SEMA3A: variants seen among roughly 807,000 people sequenced by gnomAD.
The protein encoded by SEMA3A is semaphorin 3A, also known as semaphorin-3A.
Under a neutral mutation model 97.9 loss-of-function variants are expected in SEMA3A, and 29 were observed. The ratio of observed to expected loss-of-function variants is 0.30; its 90% CI spans 0.22 to 0.40. The LOEUF (loss-of-function observed/expected upper bound fraction) is 0.40. Among genes scored for constraint, SEMA3A ranks in the 10% least tolerant of loss-of-function variants. The pLI, the probability that SEMA3A is intolerant of heterozygous loss-of-function variation, is 1.00. For synonymous variants in SEMA3A, 321 were observed against 323.7 expected (o/e 0.99, Z 0.09); for missense variants, 763 against 951.3 (o/e 0.80, Z 2.60).
chr7:84,310,029 A>G (rs887003815), intron 2 of SEMA3A, among the ~76,000 whole-genome samples: 1 of 152,196 alleles, frequency 6.6e-6, no homozygotes, highest in African/African-American at 2.4e-5. Context: ...GCATTGATCA[A>G]ATCAAAATAT....
chr7:84,189,202 T>G (rs1429301943), intron 1 of SEMA3A, among the ~76,000 whole-genome samples: 4 of 151,910 alleles, frequency 2.6e-5, no homozygotes, highest in Admixed American at 2.6e-4. Context: ...ATTTCAATAC[T>G]GTCATGAGTT....
At chr7:83,991,296 T>C (rs1240341952) in intron 12 of SEMA3A, among the ~76,000 whole-genome samples, 46 of 152,230 alleles carry the variant, frequency 3.0e-4, no homozygotes, top group Admixed American at 2.2e-3. Flanking sequence ...CTTTTCTTAA[T>C]TGAATACCCT....
At position 84,002,272 on chromosome 7, in the gene SEMA3A, T is replaced by C. The variant is rs3735516; in HGVS notation, c.1361-226A>G. The stretch of plus-strand genomic sequence containing the variant: ...AACACAATCTTGGAATAATAAAAGA[T>C]TGAATTTTTAGAAATATGTTTAGCC... On this transcript the variant is annotated intron_variant, in intron 11 of 16. Coordinates refer to ENST00000265362, the MANE Select transcript of SEMA3A (RefSeq NM_006080.3). Among the ~76,000 whole-genome samples the C allele has an allele frequency of 0.082, 12,519 of 152,236 alleles. 676 individuals carry two copies. The highest frequency in any genetic ancestry group is 0.19 in the East Asian group (979 of 5,182).
chr7:84,171,600 A>G (rs1407122524), intron 1 of SEMA3A, among the ~76,000 whole-genome samples: 1 of 152,160 alleles, frequency 6.6e-6, no homozygotes, highest in Admixed American at 6.5e-5. Flanking sequence ...AGGCATTGGT[A>G]TGAATTCAAA....
At chr7:84,214,892 G>T (rs897946100) in intron 3 of SEMA3A, among the ~76,000 whole-genome samples, 4 of 150,930 alleles carry the variant, frequency 2.7e-5, no homozygotes, top group African/African-American at 9.7e-5. Context: ...ATAGAGATGG[G>T]GTTTCACCAT....
Position 84,245,522 on chromosome 7 carries a change from C to G in SEMA3A, c.-82-50854G>C, listed in dbSNP as rs181820787. ...TTTTTCAAGTTTCTTAGCTTCCTTG[C>G]ATTGGGTTAGAACATGCTTCTTTAG... On this transcript the variant is annotated intron_variant, in intron 3 of 3. Coordinates refer to the SEMA3A transcript ENST00000424555. Among the ~76,000 whole-genome samples the G allele has an allele frequency of 7.4e-3, 1,125 of 151,820 alleles. 21 individuals carry two copies. The highest frequency in any genetic ancestry group is 0.043 in the South Asian group (207 of 4,800).
chr7:84,445,170 T>C (rs1805377583), intron 1 of SEMA3A, among the ~76,000 whole-genome samples: 1 of 152,062 alleles, frequency 6.6e-6, no homozygotes, highest in South Asian at 2.1e-4. Context: ...ACATATATCT[T>C]CTCTGACCAC....
intron 4 of SEMA3A, among the ~76,000 whole-genome samples, chr7:84,094,106 A>G (rs545312797): frequency 6.6e-6 from 1 of 152,020 alleles, no homozygotes; most frequent in Admixed American, 6.6e-5. Context: ...GGATAGGGTA[A>G]GTCAGGCCAG....
At chr7:84,305,803 G>A (rs1046246118) in intron 3 of SEMA3A, among the ~76,000 whole-genome samples, 2 of 151,850 alleles carry the variant, frequency 1.3e-5, no homozygotes, top group Non-Finnish European at 2.9e-5. Flanking sequence ...GTAAGCAAGT[G>A]TTTTGTCTTT....
chr7:84,006,386 A>G (rs887267501), intron 10 of SEMA3A, among the ~76,000 whole-genome samples: 3 of 152,124 alleles, frequency 2.0e-5, no homozygotes, highest in African/African-American at 7.2e-5. Flanking sequence ...CCCAGAGTTA[A>G]GGAAAAGTGT....
intron 3 of SEMA3A, among the ~76,000 whole-genome samples, chr7:84,273,647 G>A (rs1520111): frequency 6.6e-6 from 1 of 152,130 alleles, no homozygotes; most frequent in Non-Finnish European, 1.5e-5. Context: ...ATCTGTTGTA[G>A]GCAGCATTGA....
chr7:84,478,119 C>A (rs1806349073), intron 1 of SEMA3A, among the ~76,000 whole-genome samples: 1 of 152,140 alleles, frequency 6.6e-6, no homozygotes, highest in African/African-American at 2.4e-5. Context: ...GTAAGAGAGA[C>A]CCTCCCCTGC....
chr7:84,178,770 C>G (rs1169435135), intron 1 of SEMA3A, among the ~76,000 whole-genome samples: 2 of 152,120 alleles, frequency 1.3e-5, no homozygotes, highest in Non-Finnish European at 2.9e-5. Flanking sequence ...CCTTTGTTTG[C>G]TCATAGAAGT....
At position 84,032,096 on chromosome 7, in the gene SEMA3A, T is replaced by C. The variant is rs1791779896; in HGVS notation, c.667+14228A>G. 4.6e-5 allele frequency among the ~76,000 whole-genome samples: 7 copies of C among 152,250 alleles called. No individual in the cohort carries two copies. In the South Asian group the frequency reaches 1.5e-3, roughly 32 times the overall value. The stretch of plus-strand genomic sequence containing the variant: ...TAATTTTATGCAAAATGGAGGTTTG[T>C]TTTGATGGCCACCTGTTTCCTAGGG... On this transcript the variant is annotated intron_variant, in intron 6 of 16. Transcript: ENST00000265362.
At chr7:84,316,864 C>A (rs1320188429) in intron 2 of SEMA3A, among the ~76,000 whole-genome samples, 2 of 152,062 alleles carry the variant, frequency 1.3e-5, no homozygotes, top group African/African-American at 4.8e-5. Context: ...TGTCAAAAAC[C>A]TTTTTGCTGC....
intron 1 of SEMA3A, among the ~76,000 whole-genome samples, chr7:84,184,842 C>T (rs1487063553): frequency 6.6e-6 from 1 of 152,128 alleles, no homozygotes; most frequent in African/African-American, 2.4e-5. Flanking sequence ...AGAAAGGAGA[C>T]TCTTGGTAAC....
chr7:84,034,238 C>T (rs1791864672), intron 6 of SEMA3A, among the ~76,000 whole-genome samples: 2 of 152,140 alleles, frequency 1.3e-5, no homozygotes, highest in African/African-American at 4.8e-5. Context: ...CCTGCCTCGG[C>T]CTCCCGAATT....
chr7:84,154,417 C>T (rs1322735048), intron 1 of SEMA3A, among the ~76,000 whole-genome samples: 1 of 152,026 alleles, frequency 6.6e-6, no homozygotes, highest in African/African-American at 2.4e-5. Context: ...ATGGCTCACG[C>T]CTGTAATCCC....
intron 3 of SEMA3A, among the ~76,000 whole-genome samples, chr7:84,305,475 T>C (rs1219408374): frequency 2.6e-5 from 4 of 152,050 alleles, no homozygotes; most frequent in Non-Finnish European, 4.4e-5. Flanking sequence ...TTTTCATTGG[T>C]TGACTTCTAT....
Sources: allele counts gnomAD v4.1 joint callset (sites outside exome capture counted in the v4.1 genomes callset), GRCh38; gene constraint gnomAD v4.1.1; transcripts MANE v1.5; gene names NCBI Gene and HGNC (gene_info 2026-07-23, HGNC 2026-07-21).